Variants in ATG2B observed in about 807,000 individuals in gnomAD.
The protein encoded by ATG2B is autophagy related 2B.
Under a neutral mutation model 241.3 loss-of-function variants are expected in ATG2B, and 121 were observed. The observed-to-expected ratio is 0.50, with a 90% confidence interval of 0.43 to 0.58. The LOEUF is 0.58. Among genes scored for constraint, ATG2B ranks in the 20% least tolerant of loss-of-function variants. The probability of loss-of-function intolerance (pLI) is 0.00; values close to 1 mark genes in which losing one functional copy is unlikely to be tolerated. For synonymous variants in ATG2B, 858 were observed against 876.6 expected (o/e 0.98, Z 0.37); for missense variants, 2,306 against 2,491.6 (o/e 0.93, Z 1.59).
At chr14:96,357,470 A>ATCTAAAGCCCCCACAT (rs1319774154) in intron 1 of ATG2B, among the ~76,000 whole-genome samples, 1 of 152,078 alleles carries the variant, frequency 6.6e-6, no homozygotes, top group African/African-American at 2.4e-5. Context: ...CTCTACCTGG[A>ATCTAAAGCCCCCACAT]TCTAAAGCCC....
intron 36 of ATG2B, among the ~76,000 whole-genome samples, 164 bp downstream of exon 36, chr14:96,294,796 G>A (rs1886584281): frequency 6.6e-6 from 1 of 152,054 alleles, no homozygotes. Flanking sequence ...AAATAAGGGG[G>A]GTGCAATTAG....
chr14:96,341,448 G>T, intron 6 of ATG2B, 74 bp downstream of exon 6: 1 of 1,160,504 alleles, frequency 8.6e-7, no homozygotes, highest in Non-Finnish European at 1.2e-6. Context: ...ATCAATCAGT[G>T]AATCACTGCA....
In ATG2B at chr14:96,292,091, T is replaced by C; in HGVS notation, c.5434A>G (p.Arg1812Gly). 1 of 1,587,414 alleles carries C rather than the reference T, an allele frequency of 6.3e-7. No homozygotes were observed. Among genetic ancestry groups the C allele is most frequent in the Non-Finnish European group, 8.6e-7 (1 of 1,165,576 alleles). Residue 1812 changes from arginine (R) to glycine (G), a missense_variant, in exon 37 of 42, where the codon AGA becomes GGA. This residue lies in a region of ATG2B where 379 missense variants were observed against 480.4 expected (regional missense o/e 0.79). Transcript: ENST00000359933. The stretch of plus-strand genomic sequence containing the variant: ...CGAATGGGAACTTCTGACGTGAATC[T>C]AAATTCTCTGAAGATAAAGGAAGGA... ...RDQPVFFREFRFTSEVPIRLD... is the reference protein window; with the variant it reads ...RDQPVFFREFGFTSEVPIRLD...
At chr14:96,322,448 C>T in intron 17 of ATG2B, 92 bp downstream of exon 17, 1 of 1,390,166 alleles carries the variant, frequency 7.2e-7, no homozygotes, top group Non-Finnish European at 9.6e-7. Context: ...AAACAGTACA[C>T]AAGGCATTTT....
chr14:96,323,503 T>A lies in ATG2B; in HGVS notation c.2540+393A>T, dbSNP rs527508743. ...GTGGTGTTATTTGGTTTGTAAATGA[T>A]CACAGGCTTTTTTCCTAATTGATAC... is the stretch of plus-strand genomic sequence containing the variant. On this transcript the variant is annotated intron_variant, in intron 16 of 41. Transcript: ENST00000359933. 9.8e-5 allele frequency among the ~76,000 whole-genome samples: 15 copies of A among 152,364 alleles called. No individual in the cohort carries two copies. The South Asian group carries it at 2.9e-3, about 29-fold the overall frequency.
chr14:96,359,795 T>C lies in ATG2B; in HGVS notation c.162+3020A>G, dbSNP rs548954906. ...TAAGGTAGTAATCTCCAAAACTGGA[T>C]GCATATATCCTAAAGTATTATCAGA... On this transcript the variant is annotated intron_variant, in intron 1 of 41. Coordinates refer to ENST00000359933, the MANE Select transcript of ATG2B (RefSeq NM_018036.7). Among the ~76,000 whole-genome samples the C allele has an allele frequency of 8.5e-4, 130 of 152,338 alleles. 5 individuals carry two copies. In the South Asian group the frequency reaches 0.026, roughly 30 times the overall value.
rs756901085 is a variant in ATG2B at position 96,306,958 on chromosome 14, T to A, written c.4304-42A>T. ...CAACATTTTGGCACACTTTGAAATATCAACAACAACAAGCATTTTAACCAT... is the reference window on the plus strand; with the variant it reads ...CAACATTTTGGCACACTTTGAAATAACAACAACAACAAGCATTTTAACCAT... On this transcript the variant is annotated intron_variant, in intron 29 of 41. Coordinates refer to ENST00000359933, the MANE Select transcript of ATG2B (RefSeq NM_018036.7). 3 of 1,514,290 alleles carry A rather than the reference T, an allele frequency of 2.0e-6. No individual in the cohort carries two copies. The East Asian group carries it at 6.8e-5, about 34-fold the overall frequency. 93.8% of individuals were successfully genotyped at this position (1,514,290 alleles called of 1,614,324 possible).
rs547582729 is a variant in ATG2B at position 96,299,304 on chromosome 14, C to A, written c.5139+2703G>T. 3.3e-5 allele frequency among the ~76,000 whole-genome samples: 5 copies of A among 152,318 alleles called. No individual in the cohort carries two copies. In the South Asian group the frequency reaches 1.0e-3, roughly 32 times the overall value. ...AAGCCTTTCCTGAGCATCCCTCACC[C>A]TTCCAAACTCCCAGTCTAGGTTAAG... On this transcript the variant is annotated intron_variant, in intron 34 of 41. Transcript: ENST00000359933.
chr14:96,303,279 G>A lies in ATG2B; in HGVS notation c.4843-24C>T, dbSNP rs375873433. 1.5e-4 allele frequency: 224 copies of A among 1,496,036 alleles called. No homozygotes were observed. The Middle Eastern group carries it at 2.1e-3, about 14-fold the overall frequency. The allele number at this position is 1,496,036 out of a possible 1,614,324, so 92.7% of individuals were successfully genotyped here. Reference sequence around the variant, plus strand: ...ACCTTAACGGGTAAGGAGGAAGAACGCGGAACAGTTCTTTACATTCCTTTT... The same window carrying A: ...ACCTTAACGGGTAAGGAGGAAGAACACGGAACAGTTCTTTACATTCCTTTT... On this transcript the variant is annotated intron_variant, in intron 32 of 41. Transcript: ENST00000359933.
chr14:96,342,733 A>C (rs1888074100), intron 5 of ATG2B, among the ~76,000 whole-genome samples: 1 of 146,926 alleles, frequency 6.8e-6, no homozygotes, highest in Non-Finnish European at 1.5e-5. Context: ...AAAAAAAAAA[A>C]CAAACATAAA....
In ATG2B at chr14:96,313,321, G is replaced by T; in HGVS notation, c.3749+8C>A. 6.4e-7 allele frequency: 1 copy of T among 1,552,492 alleles called. No individual in the cohort carries two copies. The highest frequency in any genetic ancestry group is 8.7e-7 in the Non-Finnish European group (1 of 1,147,164). On this transcript the variant is annotated splice_region_variant and intron_variant, in intron 24 of 41. Coordinates refer to ENST00000359933, the MANE Select transcript of ATG2B (RefSeq NM_018036.7). ...TAAAACTTTATTTTGTTCCATTTGT[G>T]AACTTACCTATAATCAAGTGCACAG...
At position 96,313,404 on chromosome 14, in the gene ATG2B, G is replaced by A. The variant is rs1887216501; in HGVS notation, c.3674C>T (p.Pro1225Leu). The A allele has an allele frequency of 1.3e-6, 2 of 1,587,848 alleles. No individual in the cohort carries two copies. The highest frequency in any genetic ancestry group is 1.7e-6 in the Non-Finnish European group (2 of 1,170,822). ...ILYFLNIADEPVLGYNPPTSF... is the reference protein window; with the variant it reads ...ILYFLNIADELVLGYNPPTSF... ...AGTTGGAGGATTATATCCCAAAACA[G>A]GTTCATCAGCAATATTCAAGAAGTA... Residue 1225 changes from proline (P) to leucine (L), a missense_variant, in exon 24 of 42, where the codon CCT becomes CTT. Pro to Leu is a moderately conservative substitution (Grantham distance 98). Coordinates refer to ENST00000359933, the MANE Select transcript of ATG2B (RefSeq NM_018036.7).
intron 34 of ATG2B, among the ~76,000 whole-genome samples, chr14:96,301,188 C>G (rs1463032003): frequency 1.3e-5 from 2 of 152,204 alleles, no homozygotes; most frequent in African/African-American, 4.8e-5. Context: ...TTTTCACACA[C>G]TGATTTATTT....
Position 96,289,616 on chromosome 14 carries a change from A to C in ATG2B, c.6006+40T>G, listed in dbSNP as rs755534743. 2.5e-6 allele frequency: 4 copies of C among 1,604,264 alleles called. No homozygotes were observed. In the African/African-American group the frequency reaches 5.4e-5, roughly 22 times the overall value. ...CTTTAGGTGAAAGTTGGGAAAGCGC[A>C]CAGAAGGGTTCTGATGTGTCCACCC... On this transcript the variant is annotated intron_variant, in intron 41 of 41. Coordinates refer to ENST00000359933, the MANE Select transcript of ATG2B (RefSeq NM_018036.7). The surrounding 1 kb of genome is among the most constrained non-coding windows in gnomAD (Gnocchi z 4.3).
intron 1 of ATG2B, among the ~76,000 whole-genome samples, chr14:96,354,324 CCAT>C (rs1241728754): frequency 3.9e-5 from 6 of 152,310 alleles, no homozygotes; most frequent in African/African-American, 1.4e-4. Context: ...GTTGTTCCCA[CCAT>C]GTGTCCATGT....
At position 96,291,702 on chromosome 14, in the gene ATG2B, C is replaced by A; in HGVS notation, c.5497-20G>T. On this transcript the variant is annotated intron_variant, in intron 37 of 41. Transcript: ENST00000359933. ...CGTACCCTTCAAAATTAAAAAAGGC[C>A]AAATTAACCTTACTGTAAATTAAGA... 1 of 1,550,808 alleles carries A rather than the reference C, an allele frequency of 6.4e-7. No homozygotes were observed. The highest frequency in any genetic ancestry group is 8.9e-7 in the Non-Finnish European group (1 of 1,129,474).
intron 6 of ATG2B, 51 bp from the exon 7 acceptor site, chr14:96,334,552 T>C (rs1277312986): frequency 9.1e-6 from 10 of 1,096,052 alleles, no homozygotes; most frequent in Non-Finnish European, 1.1e-5. Context: ...TATAACCTTA[T>C]CACCATAAAC....
chr14:96,335,412 T>A (rs935884753), intron 6 of ATG2B, among the ~76,000 whole-genome samples: 1 of 152,216 alleles, frequency 6.6e-6, no homozygotes, highest in Non-Finnish European at 1.5e-5. Context: ...GAAATTTCGA[T>A]GACCTAAGAA....
chr14:96,348,607 C>A (rs1024686188), intron 1 of ATG2B, among the ~76,000 whole-genome samples: 2 of 150,934 alleles, frequency 1.3e-5, no homozygotes, highest in African/African-American at 2.4e-5. Flanking sequence ...CACTTGGACC[C>A]AGGAGGCGGA....
Sources: allele counts gnomAD v4.1 joint callset (sites outside exome capture counted in the v4.1 genomes callset), GRCh38; gene constraint gnomAD v4.1.1; regional missense constraint gnomAD v4.1.1; non-coding constraint Gnocchi (gnomAD v3.1); transcripts MANE v1.5; gene names NCBI Gene and HGNC (gene_info 2026-07-23, HGNC 2026-07-21).